The following HAPLN1 variants were observed in gnomAD, a reference collection of about 807,000 sequenced individuals.
HAPLN1 encodes the protein hyaluronan and proteoglycan link protein 1.
A neutral mutation model predicts 36.5 loss-of-function variants in HAPLN1; 13 were observed. The ratio of observed to expected loss-of-function variants is 0.36; its 90% CI spans 0.23 to 0.57. The LOEUF (loss-of-function observed/expected upper bound fraction) is 0.57, where lower values mean the gene tolerates loss of function less well. Among genes scored for constraint, HAPLN1 ranks in the 20% least tolerant of loss-of-function variants. The probability of loss-of-function intolerance (pLI) is 0.83; values close to 1 mark genes in which losing one functional copy is unlikely to be tolerated. For synonymous variants in HAPLN1, 202 were observed against 169.8 expected (o/e 1.19, Z -1.48); for missense variants, 407 against 439.7 (o/e 0.93, Z 0.66).
In HAPLN1 at chr5:83,641,574, C is replaced by G; in HGVS notation, c.987G>C (p.Glu329Asp). 1.9e-6 allele frequency: 3 copies of G among 1,614,196 alleles called. No homozygotes were observed. The highest frequency in any genetic ancestry group is 3.3e-4 in the Middle Eastern group (2 of 6,062). Residue 329 changes from glutamate to aspartate, a missense_variant, in exon 5 of 5, where the codon GAG becomes GAC. Physicochemically the swap from Glu to Asp is conservative, Grantham distance 45. Transcript: ENST00000274341. ...SRPRRRCSPT[E>D]AAVRFVGFPD... ...GGAAACCCACGAAGCGCACTGCAGC[C>G]TCAGTAGGACTGCAGCGCCTTCTTG...
At chr5:83,654,025 C>T (rs1750147770) in intron 2 of HAPLN1, among the ~76,000 whole-genome samples, 1 of 152,234 alleles carries the variant, frequency 6.6e-6, no homozygotes, top group Non-Finnish European at 1.5e-5. Flanking sequence ...AATCCTTTGC[C>T]ATGAATCATT....
At chr5:83,708,978 C>T (rs1554051315) in intron 1 of HAPLN1, among the ~76,000 whole-genome samples, 1 of 152,136 alleles carries the variant, frequency 6.6e-6, no homozygotes, top group Non-Finnish European at 1.5e-5. Context: ...AAGGTTCAAG[C>T]TGTTTTCCTG....
chr5:83,683,925 C>A (rs928337949), intron 1 of HAPLN1, among the ~76,000 whole-genome samples: 2 of 151,934 alleles, frequency 1.3e-5, no homozygotes, highest in Admixed American at 1.3e-4. Context: ...AAAAACAGGG[C>A]CCCTACTGCT....
At chr5:83,660,210 C>G (rs1750345973) in intron 2 of HAPLN1, among the ~76,000 whole-genome samples, 1 of 152,088 alleles carries the variant, frequency 6.6e-6, no homozygotes, top group Admixed American at 6.5e-5. Flanking sequence ...TTCCTTAGAG[C>G]TAAATGGATT....
At chr5:83,661,271 T>C (rs1205443824) in intron 2 of HAPLN1, among the ~76,000 whole-genome samples, 2 of 152,000 alleles carry the variant, frequency 1.3e-5, no homozygotes, top group East Asian at 1.9e-4. Context: ...TCTACCTGTA[T>C]CTATAGTATT....
chr5:83,703,088 G>T (rs988424377), intron 1 of HAPLN1, among the ~76,000 whole-genome samples: 12 of 152,086 alleles, frequency 7.9e-5, no homozygotes, highest in Admixed American at 7.9e-4. Context: ...GCATTGCAGT[G>T]CTTCCTGAAT....
Position 83,644,377 on chromosome 5 carries a change from G to A in HAPLN1, c.761C>T (p.Thr254Ile). 2.6e-6 allele frequency: 4 copies of A among 1,562,038 alleles called. No individual in the cohort carries two copies. Among genetic ancestry groups the A allele is most frequent in the Non-Finnish European group, 3.5e-6 (4 of 1,154,606 alleles). Residue 254 changes from threonine (T) to isoleucine (I), a missense_variant, in exon 4 of 5, where the codon ACA (threonine) becomes ATA (isoleucine). Physicochemically the swap from Thr to Ile is moderately conservative, Grantham distance 89 (BLOSUM62 -1). Transcript: ENST00000274341. The stretch of plus-strand genomic sequence containing the variant: ...TATTATCTTACCATTGAAATTGGAT[G>A]TAAAACAGAAAACATCATATCTGCT... Reference protein sequence around the residue: ...DKSRYDVFCFTSNFNGRFYYL... With the variant: ...DKSRYDVFCFISNFNGRFYYL...
chr5:83,712,713 T>TA (rs1046500038), intron 1 of HAPLN1, among the ~76,000 whole-genome samples: 25 of 152,138 alleles, frequency 1.6e-4, no homozygotes, highest in African/African-American at 5.5e-4. Context: ...CAGGTTTAGT[T>TA]AAAAAAATAC....
chr5:83,645,037 C>G (rs1471001719), intron 3 of HAPLN1, among the ~76,000 whole-genome samples: 2 of 152,086 alleles, frequency 1.3e-5, no homozygotes, highest in African/African-American at 4.8e-5. Context: ...TGAGCTCTGT[C>G]ACCTAGGGAA....
intron 2 of HAPLN1, among the ~76,000 whole-genome samples, chr5:83,666,214 A>T (rs1007955510): frequency 2.6e-5 from 4 of 152,172 alleles, no homozygotes; most frequent in Admixed American, 1.3e-4. Flanking sequence ...AACATAATCA[A>T]TAAAGAAATC....
intron 2 of HAPLN1, among the ~76,000 whole-genome samples, chr5:83,656,621 C>G (rs988481093): frequency 3.3e-5 from 5 of 151,984 alleles, no homozygotes; most frequent in African/African-American, 1.2e-4. Context: ...CAGTGGGGGA[C>G]TGAAATTTTT....
rs572512437 is a variant in HAPLN1, at chr5:83,689,752, A to G, written c.-26-16203T>C. On this transcript the variant is annotated intron_variant, in intron 1 of 4. Coordinates refer to ENST00000274341, the MANE Select transcript of HAPLN1 (RefSeq NM_001884.4). The stretch of plus-strand genomic sequence containing the variant: ...ATTTATTATACAGTGATTTTACTAT[A>G]GAAGTTTGTGTGTGTGTGCATGCAC... 2.0e-5 allele frequency among the ~76,000 whole-genome samples: 3 copies of G among 152,290 alleles called. No individual in the cohort carries two copies. The East Asian group carries it at 5.8e-4, about 29-fold the overall frequency.
intron 2 of HAPLN1, among the ~76,000 whole-genome samples, chr5:83,653,109 A>G (rs1750120107): frequency 6.6e-6 from 1 of 152,200 alleles, no homozygotes; most frequent in Non-Finnish European, 1.5e-5. Flanking sequence ...ATGATTTCAT[A>G]ATAAATTCTA....
chr5:83,682,361 TA>T (rs1751025386), intron 1 of HAPLN1: 1 of 152,162 alleles, frequency 6.6e-6, no homozygotes, highest in African/African-American at 2.4e-5. Context: ...TGAGAAGGCA[TA>T]GGAAGATTTT....
intron 2 of HAPLN1, among the ~76,000 whole-genome samples, chr5:83,665,671 G>A (rs1750531723): frequency 6.6e-6 from 1 of 152,114 alleles, no homozygotes; most frequent in South Asian, 2.1e-4. Context: ...TATACATGAT[G>A]GATTATGGCC....
rs374877160 is a variant in HAPLN1 at position 83,644,356 on chromosome 5, A to G, written c.775+7T>C. The stretch of plus-strand genomic sequence containing the variant: ...TAGGAAAGAAGGCAGTACAGTTATT[A>G]TCTTACCATTGAAATTGGATGTAAA... On this transcript the variant is annotated splice_region_variant and intron_variant, in intron 4 of 4. Coordinates refer to ENST00000274341, the MANE Select transcript of HAPLN1 (RefSeq NM_001884.4). The G allele has an allele frequency of 1.6e-5, 24 of 1,544,762 alleles. No individual in the cohort carries two copies. The highest frequency in any genetic ancestry group is 2.1e-5 in the Non-Finnish European group (24 of 1,143,938).
chr5:83,705,387 CAAAAAA>C (rs762927081), intron 1 of HAPLN1, among the ~76,000 whole-genome samples: 1,152 of 85,494 alleles, frequency 0.013, 13 homozygotes, highest in African/African-American at 0.053. Context: ...TGAAACGTCA[CAAAAAA>C]AAAAAAAAAA....
intron 2 of HAPLN1, among the ~76,000 whole-genome samples, chr5:83,672,533 C>G (rs1413300354): frequency 6.6e-6 from 1 of 152,204 alleles, no homozygotes. Flanking sequence ...GAAAATACTT[C>G]TAGACAGATT....
At chr5:83,659,341 A>G (rs1247525566) in intron 2 of HAPLN1, among the ~76,000 whole-genome samples, 1 of 152,084 alleles carries the variant, frequency 6.6e-6, no homozygotes, top group Non-Finnish European at 1.5e-5. Flanking sequence ...TTAAACTTTG[A>G]CCTGAAGATA....
Sources: gnomAD v4.1 joint callset for allele counts (sites outside exome capture counted in the v4.1 genomes callset) on GRCh38, gnomAD v4.1.1 for gene constraint, MANE v1.5 for transcripts, NCBI Gene and HGNC (gene_info 2026-07-23, HGNC 2026-07-21) for gene names.